The following MS4A6E variants were observed in gnomAD, a reference collection of about 807,000 sequenced individuals.
MS4A6E encodes membrane spanning 4-domains A6E, also known as membrane-spanning 4-domains subfamily A member 6E.
Under a neutral mutation model 13.2 loss-of-function variants are expected in MS4A6E, and 8 were observed. The ratio of observed to expected loss-of-function variants is 0.60; its 90% CI spans 0.35 to 1.09. MS4A6E has a LOEUF of 1.09. MS4A6E is among the 50% of genes least tolerant of loss of function. MS4A6E has a pLI of 0.02. For synonymous variants in MS4A6E, 72 were observed against 67.6 expected (o/e 1.06, Z -0.32); for missense variants, 177 against 171.1 (o/e 1.03, Z -0.19).
At chr11:60,342,092 G>A (rs1346967514), downstream of MS4A6E, among the ~76,000 whole-genome samples, 2 of 150,744 alleles carry the variant, frequency 1.3e-5, no homozygotes, top group African/African-American at 2.4e-5. Flanking sequence ...TGTTATTTGA[G>A]CACAGAATAA....
intron 1 of MS4A6E, among the ~76,000 whole-genome samples, chr11:60,333,108 C>T (rs10897049): frequency 0.32 from 48,268 of 152,168 alleles, 8,344 homozygotes; most frequent in Admixed American, 0.36. Flanking sequence ...TGAACATTAG[C>T]CCTTCCTTCT....
intron 4 of MS4A6E, 88 bp downstream of exon 4, chr11:60,340,052 G>A (rs1336956270): frequency 1.9e-6 from 3 of 1,572,488 alleles, no homozygotes; most frequent in Non-Finnish European, 2.6e-6. Context: ...GTGGTAGAAG[G>A]AACAATCAGT....
At chr11:60,346,173 T>G (rs4939344), downstream of MS4A6E, among the ~76,000 whole-genome samples, 152,021 of 152,282 alleles carry the variant, frequency 1, 75,881 homozygotes, top group Middle Eastern at 1. Context: ...CATGCTACAG[T>G]CTGGACAGGG....
chr11:60,339,792 T>C (rs1040066194), intron 3 of MS4A6E, 74 bp from the exon 4 acceptor site: 6 of 1,291,630 alleles, frequency 4.6e-6, no homozygotes, highest in African/African-American at 1.5e-5. Flanking sequence ...TTCATCTCTA[T>C]GGTCACCTCT....
chr11:60,335,226 GT>G (rs1305920112), intron 2 of MS4A6E, among the ~76,000 whole-genome samples, 184 bp downstream of exon 2: 1 of 152,078 alleles, frequency 6.6e-6, no homozygotes, highest in African/African-American at 2.4e-5. Context: ...TCTTAGAAAC[GT>G]TTTTTCCCTT....
At chr11:60,333,354 G>A (rs1011498278) in intron 1 of MS4A6E, among the ~76,000 whole-genome samples, 2 of 152,182 alleles carry the variant, frequency 1.3e-5, no homozygotes, top group Admixed American at 1.3e-4. Context: ...AATGGAGGAA[G>A]GAAAAGGAGA....
At chr11:60,345,675 C>G (rs937600148), downstream of MS4A6E, among the ~76,000 whole-genome samples, 5 of 152,188 alleles carry the variant, frequency 3.3e-5, no homozygotes, top group African/African-American at 1.2e-4. Context: ...TCTCTAACAA[C>G]AGAGTCTGTT....
intron 4 of MS4A6E, among the ~76,000 whole-genome samples, chr11:60,347,815 G>A (rs1016115871): frequency 3.9e-5 from 6 of 152,028 alleles, no homozygotes; most frequent in Non-Finnish European, 7.4e-5. Flanking sequence ...CTAGTTCTCC[G>A]CTTCTGATTC....
chr11:60,331,337 A>G (rs573725449), intron 1 of MS4A6E, among the ~76,000 whole-genome samples: 102 of 152,220 alleles, frequency 6.7e-4, no homozygotes, highest in Non-Finnish European at 1.1e-3. Flanking sequence ...ATGTGTTTAT[A>G]TATAAATAAA....
intron 3 of MS4A6E, among the ~76,000 whole-genome samples, chr11:60,339,291 T>G (rs929939379): frequency 1.1e-4 from 17 of 151,984 alleles, no homozygotes; most frequent in African/African-American, 3.9e-4. Context: ...AAATAAAAAA[T>G]AAACAACAAA....
At chr11:60,346,261 A>C (rs1590779096), downstream of MS4A6E, among the ~76,000 whole-genome samples, 1 of 152,156 alleles carries the variant, frequency 6.6e-6, no homozygotes, top group Non-Finnish European at 1.5e-5. Flanking sequence ...TAGCGGATGC[A>C]CCTGAGGAAT....
chr11:60,330,759 T>C (rs1027324390), intron 1 of MS4A6E, among the ~76,000 whole-genome samples: 3 of 152,228 alleles, frequency 2.0e-5, no homozygotes, highest in Admixed American at 1.3e-4. Context: ...GGTCTTATGT[T>C]TGAATCTTTA....
intron 2 of MS4A6E, among the ~76,000 whole-genome samples, chr11:60,336,968 C>G (rs1410222479): frequency 1.3e-5 from 2 of 152,178 alleles, no homozygotes. Flanking sequence ...CCCAAGGGAA[C>G]AAGCTGGGTC....
chr11:60,341,237 C>T lies in MS4A6E; in HGVS notation c.*471C>T, dbSNP rs2085223919. Among the ~76,000 whole-genome samples, 1 of 152,160 alleles carries T rather than the reference C, an allele frequency of 6.6e-6. No homozygotes were observed. Among genetic ancestry groups the T allele is most frequent in the African/African-American group, 2.4e-5 (1 of 41,440 alleles). On this transcript the variant is annotated 3_prime_UTR_variant, in exon 5 of 5. Transcript: ENST00000684409. ...TTTATCACAGGTGCTACTGATTTATCCCATGTATTTTACTCATTAGTGCAT... is the reference window on the plus strand; with the variant it reads ...TTTATCACAGGTGCTACTGATTTATTCCATGTATTTTACTCATTAGTGCAT...
At chr11:60,335,660 CTGTT>C (rs1231350280) in intron 2 of MS4A6E, 2 of 437,658 alleles carry the variant, frequency 4.6e-6, no homozygotes, top group Non-Finnish European at 9.0e-6. Flanking sequence ...GTGAGGCACT[CTGTT>C]TGACTGGATT....
intron 1 of MS4A6E, among the ~76,000 whole-genome samples, chr11:60,328,050 AAAAG>A: frequency 6.6e-6 from 1 of 151,008 alleles, no homozygotes; most frequent in East Asian, 1.9e-4. Flanking sequence ...AAAAAAAAAA[AAAAG>A]TGGATCAAAG....
downstream of MS4A6E, among the ~76,000 whole-genome samples, chr11:60,342,166 TGTGTGTGTGTGTGAGA>T (rs1420056841): frequency 1.3e-4 from 4 of 31,306 alleles, no homozygotes; most frequent in Admixed American, 4.1e-4. Context: ...TGTGTGTGTG[TGTGTGTGTGTGTGAGA>T]GAGAGAGAGA....
intron 4 of MS4A6E, among the ~76,000 whole-genome samples, chr11:60,348,369 C>G (rs1367073301): frequency 1.3e-5 from 2 of 152,152 alleles, no homozygotes; most frequent in South Asian, 4.1e-4. Flanking sequence ...AAGAGTACAG[C>G]TCATTTCAGG....
At chr11:60,345,803 C>T (rs7126512), downstream of MS4A6E, among the ~76,000 whole-genome samples, 36,131 of 152,010 alleles carry the variant, frequency 0.24, 4,474 homozygotes, top group African/African-American at 0.27. Context: ...ACCAGTAGGG[C>T]CACTGTGGCA....
Sources: gnomAD v4.1 joint callset for allele counts (sites outside exome capture counted in the v4.1 genomes callset) on GRCh38, gnomAD v4.1.1 for gene constraint, MANE v1.5 for transcripts, NCBI Gene and HGNC (gene_info 2026-07-23, HGNC 2026-07-21) for gene names.